The following SLC26A7 variants were observed in gnomAD, a reference collection of about 807,000 sequenced individuals.
The protein encoded by SLC26A7 is solute carrier family 26 member 7.
In SLC26A7, 59 loss-of-function variants were observed where a neutral mutation model predicts 82.5. That is an observed-to-expected ratio of 0.72 (90% CI 0.58 to 0.89). SLC26A7 has a LOEUF of 0.89. Among genes scored for constraint, SLC26A7 ranks in the 40% least tolerant of loss-of-function variants. SLC26A7 has a pLI of 0.00. For missense variants in SLC26A7, 820 were observed against 793.0 expected (o/e 1.03, Z -0.41); for synonymous variants, 271 against 274.3 (o/e 0.99, Z 0.12).
chr8:91,324,503 G>A (rs549302823), intron 5 of SLC26A7, among the ~76,000 whole-genome samples: 1 of 152,280 alleles, frequency 6.6e-6, no homozygotes, highest in South Asian at 2.1e-4. Flanking sequence ...AATCTGGGGG[G>A]ATTTTACAAG....
intron 2 of SLC26A7, among the ~76,000 whole-genome samples, chr8:91,258,454 C>G (rs1340148842): frequency 1.3e-5 from 2 of 152,038 alleles, no homozygotes; most frequent in Admixed American, 1.3e-4. Context: ...CCTTCTTCCC[C>G]TGTCCCCTCA....
At chr8:91,250,380 A>G (rs1810625244) in intron 2 of SLC26A7, among the ~76,000 whole-genome samples, 1 of 152,062 alleles carries the variant, frequency 6.6e-6, no homozygotes, top group Non-Finnish European at 1.5e-5. Context: ...GTCTATGCTG[A>G]TTTACTTCTG....
chr8:91,264,845 G>A (rs1021208878), intron 2 of SLC26A7, among the ~76,000 whole-genome samples: 1 of 151,942 alleles, frequency 6.6e-6, no homozygotes, highest in Non-Finnish European at 1.5e-5. Context: ...ATCAAATCAA[G>A]GTAGTTATCA....
At chr8:91,234,479 GTTT>G (rs149698888) in intron 2 of SLC26A7, among the ~76,000 whole-genome samples, 1 of 146,550 alleles carries the variant, frequency 6.8e-6, no homozygotes. Context: ...TGGCCCTTCT[GTTT>G]TTTTTTTTTT....
At chr8:91,348,410 T>C in intron 9 of SLC26A7, 1 of 940,656 alleles carries the variant, frequency 1.1e-6, no homozygotes, top group Non-Finnish European at 1.3e-6. Flanking sequence ...GTATGGATAA[T>C]AAAAATGCAT....
chr8:91,250,948 A>T (rs2130697442), intron 2 of SLC26A7, among the ~76,000 whole-genome samples: 1 of 152,222 alleles, frequency 6.6e-6, no homozygotes, highest in South Asian at 2.1e-4. Context: ...AGAAAAATGC[A>T]AAGTAAATAA....
chr8:91,347,891 A>C (rs544594327), intron 9 of SLC26A7, among the ~76,000 whole-genome samples: 2 of 152,302 alleles, frequency 1.3e-5, no homozygotes, highest in African/African-American at 4.8e-5. Context: ...AAAAAATTAC[A>C]TTTCTTCCTT....
intron 5 of SLC26A7, among the ~76,000 whole-genome samples, chr8:91,324,024 G>T (rs1812868901): frequency 6.6e-6 from 1 of 151,776 alleles, no homozygotes; most frequent in East Asian, 1.9e-4. Flanking sequence ...CTGGTGTCTT[G>T]CCTTATCAGC....
chr8:91,239,855 A>C (rs1460724461), intron 2 of SLC26A7, among the ~76,000 whole-genome samples: 1 of 152,224 alleles, frequency 6.6e-6, no homozygotes, highest in Non-Finnish European at 1.5e-5. Context: ...ATTTCATTCA[A>C]ATTGAATAAT....
intron 4 of SLC26A7, among the ~76,000 whole-genome samples, chr8:91,303,029 C>G (rs1586384510): frequency 1.3e-5 from 2 of 152,148 alleles, no homozygotes; most frequent in African/African-American, 2.4e-5. Flanking sequence ...GGCACGTTGT[C>G]TCATAAGAAA....
chr8:91,244,003 A>C lies in SLC26A7; in HGVS notation c.-33-5616A>C, dbSNP rs1810509418. Among the ~76,000 whole-genome samples, 4 of 152,226 alleles carry C rather than the reference A, an allele frequency of 2.6e-5. No homozygotes were observed. In the South Asian group the frequency reaches 8.3e-4, roughly 32 times the overall value. Reference sequence around the variant, plus strand: ...GTAGTTGCAAAATGAGATACAAAAGAGAGACAGAATCATAATCTTCCAATA... The same window carrying C: ...GTAGTTGCAAAATGAGATACAAAAGCGAGACAGAATCATAATCTTCCAATA... On this transcript the variant is annotated intron_variant, in intron 2 of 5. Transcript: ENST00000522862.
chr8:91,236,380 A>C (rs1048447136), intron 2 of SLC26A7, among the ~76,000 whole-genome samples: 27 of 152,210 alleles, frequency 1.8e-4, no homozygotes, highest in African/African-American at 6.0e-4. Flanking sequence ...GAGTAATTTC[A>C]TAATTAAACC....
At chr8:91,223,373 C>A (rs1739471223) in intron 2 of SLC26A7, among the ~76,000 whole-genome samples, 1 of 152,026 alleles carries the variant, frequency 6.6e-6, no homozygotes, top group Admixed American at 6.6e-5. Flanking sequence ...CTTATGCTAG[C>A]TTTTGGATTA....
rs1808598755 is a variant in SLC26A7, at chr8:91,397,340, T to G, written c.*2243T>G. The G allele has an allele frequency of 6.6e-6, 1 of 152,538 alleles. No individual in the cohort carries two copies. The highest frequency in any genetic ancestry group is 1.5e-5 in the Non-Finnish European group (1 of 67,968). 9.4% of individuals were successfully genotyped at this position (152,538 alleles called of 1,614,324 possible). On this transcript the variant is annotated 3_prime_UTR_variant, in exon 19 of 19. Coordinates refer to ENST00000276609, the MANE Select transcript of SLC26A7 (RefSeq NM_052832.4). ...CACAAGATTCTAAAATGCAAATGTTTATTTTGAAGCAGGCATTGACAACAC... is the reference window on the plus strand; with the variant it reads ...CACAAGATTCTAAAATGCAAATGTTGATTTTGAAGCAGGCATTGACAACAC...
chr8:91,375,163 A>C (rs1814475464), intron 15 of SLC26A7, among the ~76,000 whole-genome samples: 1 of 151,958 alleles, frequency 6.6e-6, no homozygotes, highest in South Asian at 2.1e-4. Flanking sequence ...GAGGCAGCAG[A>C]TGGTTGGGTC....
chr8:91,337,313 T>C (rs188681745), intron 6 of SLC26A7, among the ~76,000 whole-genome samples: 1 of 152,224 alleles, frequency 6.6e-6, no homozygotes, highest in Non-Finnish European at 1.5e-5. Context: ...TCTGGCCATG[T>C]ATATTGTAAA....
chr8:91,281,712 C>T (rs1037504964), intron 2 of SLC26A7, among the ~76,000 whole-genome samples: 1 of 152,068 alleles, frequency 6.6e-6, no homozygotes, highest in Non-Finnish European at 1.5e-5. Flanking sequence ...CTTTCTTCTT[C>T]TGGTACCTTG....
intron 15 of SLC26A7, among the ~76,000 whole-genome samples, chr8:91,386,379 C>A (rs533552477): frequency 6.6e-6 from 1 of 152,016 alleles, no homozygotes; most frequent in African/African-American, 2.4e-5. Context: ...ATTTTTTCTA[C>A]GGAAATTTTT....
At chr8:91,363,978 C>A (rs1160238091) in intron 13 of SLC26A7, among the ~76,000 whole-genome samples, 1 of 143,768 alleles carries the variant, frequency 7.0e-6, no homozygotes, top group East Asian at 2.0e-4. Context: ...GTCAATGAGA[C>A]TGTATGTTAG....
Sources: allele counts gnomAD v4.1 joint callset (sites outside exome capture counted in the v4.1 genomes callset), GRCh38; gene constraint gnomAD v4.1.1; transcripts MANE v1.5; gene names NCBI Gene and HGNC (gene_info 2026-07-23, HGNC 2026-07-21).